The following IGSF11 variants were observed in gnomAD, a reference collection of about 807,000 sequenced individuals.
IGSF11 encodes immunoglobulin superfamily member 11.
Under a neutral mutation model 41.0 loss-of-function variants are expected in IGSF11, and 22 were observed. The ratio of observed to expected loss-of-function variants is 0.54; its 90% CI spans 0.38 to 0.77. The LOEUF (loss-of-function observed/expected upper bound fraction) is 0.77, where lower values mean the gene tolerates loss of function less well. Among genes scored for constraint, IGSF11 ranks in the 30% least tolerant of loss-of-function variants. The pLI is 0.00. For synonymous variants in IGSF11, 219 were observed against 201.3 expected (o/e 1.09, Z -0.74); for missense variants, 444 against 530.8 (o/e 0.84, Z 1.61).
chr3:119,092,948 T>C (rs2076788870), intron 1 of IGSF11, among the ~76,000 whole-genome samples: 3 of 152,198 alleles, frequency 2.0e-5, no homozygotes, highest in Admixed American at 2.0e-4. Context: ...TCTAGGTTTG[T>C]GTGAGCATAT....
At chr3:118,959,814 A>G (rs534426638) in intron 1 of IGSF11, among the ~76,000 whole-genome samples, 1,702 of 152,170 alleles carry the variant, frequency 0.011, 17 homozygotes, top group Non-Finnish European at 0.018. Context: ...TTGGGAGGCC[A>G]AGGCGGGCAG....
chr3:118,913,987 T>C (rs1473619062), intron 4 of IGSF11, among the ~76,000 whole-genome samples: 1 of 152,124 alleles, frequency 6.6e-6, no homozygotes, highest in Non-Finnish European at 1.5e-5. Flanking sequence ...AGACGAAATA[T>C]TCACAAGGAT....
chr3:119,079,331 G>C (rs1198447626), intron 1 of IGSF11, among the ~76,000 whole-genome samples: 2 of 151,932 alleles, frequency 1.3e-5, no homozygotes, highest in South Asian at 4.2e-4. Flanking sequence ...TTGCACTCCA[G>C]CCTGTGTGAC....
intron 1 of IGSF11, among the ~76,000 whole-genome samples, chr3:119,022,399 T>TAA (rs1939384328): frequency 6.6e-6 from 1 of 152,200 alleles, no homozygotes. Flanking sequence ...ATCATATACT[T>TAA]AAAATGGTTA....
intron 1 of IGSF11, among the ~76,000 whole-genome samples, chr3:119,018,431 C>T (rs1576657064): frequency 6.6e-6 from 1 of 152,168 alleles, no homozygotes; most frequent in South Asian, 2.1e-4. Flanking sequence ...AGAATGCAGA[C>T]AAAATCACCA....
In IGSF11 at chr3:118,927,943, T is replaced by C. The variant is rs182807221; in HGVS notation, c.424+566A>G. Among the ~76,000 whole-genome samples, 80 of 152,290 alleles carry C rather than the reference T, an allele frequency of 5.3e-4. 1 individual carries two copies. The South Asian group carries it at 6.6e-3, about 13-fold the overall frequency. The stretch of plus-strand genomic sequence containing the variant: ...TCTAAACGTTGTTGTTTATTTTCTA[T>C]GCAATCTGGGGAAAAAAAACCTAAA... On this transcript the variant is annotated intron_variant, in intron 3 of 6. Coordinates refer to ENST00000393775, the MANE Select transcript of IGSF11 (RefSeq NM_001015887.3).
intron 1 of IGSF11, among the ~76,000 whole-genome samples, chr3:118,950,449 G>C (rs1005047707): frequency 2.0e-5 from 3 of 152,020 alleles, no homozygotes; most frequent in African/African-American, 7.2e-5. Context: ...TTATGACACA[G>C]TAAAAAATTC....
At chr3:119,135,673 G>C (rs555650577) in intron 1 of IGSF11, among the ~76,000 whole-genome samples, 9 of 152,246 alleles carry the variant, frequency 5.9e-5, no homozygotes, top group South Asian at 4.1e-4. Context: ...CAGGGATCTA[G>C]AACTAGAAAT....
intron 1 of IGSF11, among the ~76,000 whole-genome samples, chr3:118,950,578 A>T (rs1256102919): frequency 6.6e-6 from 1 of 151,818 alleles, no homozygotes; most frequent in African/African-American, 2.4e-5. Context: ...ATATACCCCA[A>T]CTCAATTTTC....
chr3:119,042,250 T>A (rs1941144804), intron 1 of IGSF11, among the ~76,000 whole-genome samples: 1 of 152,144 alleles, frequency 6.6e-6, no homozygotes, highest in Non-Finnish European at 1.5e-5. Context: ...GCCAGCAGAA[T>A]CAGAGAGAGG....
At chr3:119,069,842 A>C (rs190489031) in intron 1 of IGSF11, among the ~76,000 whole-genome samples, 2 of 152,296 alleles carry the variant, frequency 1.3e-5, no homozygotes, top group Admixed American at 1.3e-4. Context: ...TTACTTCTCG[A>C]ATTCTGTTGT....
At chr3:119,098,117 G>T (rs756772037) in intron 1 of IGSF11, among the ~76,000 whole-genome samples, 1 of 151,648 alleles carries the variant, frequency 6.6e-6, no homozygotes, top group Non-Finnish European at 1.5e-5. Context: ...TTTTCTTTTG[G>T]AGAACAAAGC....
chr3:118,993,646 T>C (rs1177369243), intron 1 of IGSF11, among the ~76,000 whole-genome samples: 1 of 152,206 alleles, frequency 6.6e-6, no homozygotes, highest in Non-Finnish European at 1.5e-5. Context: ...AAAAGTTATA[T>C]ATCCATACAT....
upstream of IGSF11, among the ~76,000 whole-genome samples, chr3:119,108,475 G>C (rs1338680288): frequency 2.1e-5 from 3 of 141,162 alleles, no homozygotes; most frequent in Non-Finnish European, 4.7e-5. Context: ...TTATCAGCTT[G>C]AGGAGATTTT....
upstream of IGSF11, among the ~76,000 whole-genome samples, chr3:119,106,843 T>C (rs2077038159): frequency 6.6e-6 from 1 of 152,034 alleles, no homozygotes; most frequent in Admixed American, 6.6e-5. Flanking sequence ...CAGTGTTTGG[T>C]TTTTTGTCCT....
At chr3:119,022,122 T>C (rs1295415100) in intron 1 of IGSF11, among the ~76,000 whole-genome samples, 1 of 152,184 alleles carries the variant, frequency 6.6e-6, no homozygotes, top group Non-Finnish European at 1.5e-5. Context: ...TTCTGGTATA[T>C]GCTACAACAT....
chr3:118,932,263 A>T (rs1942924873), intron 1 of IGSF11, among the ~76,000 whole-genome samples: 1 of 152,224 alleles, frequency 6.6e-6, no homozygotes, highest in South Asian at 2.1e-4. Context: ...GTTATTTTAG[A>T]TCATGAAAAA....
At chr3:118,938,023 C>CAT (rs200203696) in intron 1 of IGSF11, among the ~76,000 whole-genome samples, 3,993 of 149,610 alleles carry the variant, frequency 0.027, 163 homozygotes, top group African/African-American at 0.092. Flanking sequence ...CTCTCTCTCT[C>CAT]ATATATATAT....
In IGSF11 at chr3:119,135,066, A is replaced by G. The variant is rs148228288; in HGVS notation, c.-14+10747T>C. ...CACCTTACAGAAAAATTAATTCAAG[A>G]CGGATTAAAGACTTAAATGTAAGAT... On this transcript the variant is annotated intron_variant, in intron 1 of 7. Coordinates refer to the IGSF11 transcript ENST00000425327. Among the ~76,000 whole-genome samples the G allele has an allele frequency of 2.8e-3, 434 of 152,338 alleles. 1 individual carries two copies. The highest frequency in any genetic ancestry group is 0.01 in the African/African-American group (418 of 41,582).
Sources: allele counts gnomAD v4.1 joint callset (sites outside exome capture counted in the v4.1 genomes callset), GRCh38; gene constraint gnomAD v4.1.1; transcripts MANE v1.5; gene names NCBI Gene and HGNC (gene_info 2026-07-23, HGNC 2026-07-21).